Variants in CORIN observed in about 807,000 individuals in gnomAD.
The protein encoded by CORIN is corin, serine peptidase.
A neutral mutation model predicts 125.3 loss-of-function variants in CORIN; 117 were observed. That is an observed-to-expected ratio of 0.93 (90% CI 0.80 to 1.09). The LOEUF (loss-of-function observed/expected upper bound fraction) is 1.09, where lower values mean the gene tolerates loss of function less well. Among genes scored for constraint, CORIN ranks in the 50% least tolerant of loss-of-function variants. The probability of loss-of-function intolerance (pLI) is 0.00; values close to 1 mark genes in which losing one functional copy is unlikely to be tolerated. For missense variants in CORIN, 1,253 were observed against 1,306.7 expected (o/e 0.96, Z 0.63); for synonymous variants, 450 against 466.4 (o/e 0.96, Z 0.45).
chr4:47,755,114 TA>T (rs1241758190), intron 4 of CORIN, among the ~76,000 whole-genome samples: 1 of 152,204 alleles, frequency 6.6e-6, no homozygotes, highest in Non-Finnish European at 1.5e-5. Context: ...GTGTCTCCAG[TA>T]AGTTCTCATC....
At chr4:47,633,132 A>T (rs1233617012) in intron 16 of CORIN, among the ~76,000 whole-genome samples, 1 of 152,184 alleles carries the variant, frequency 6.6e-6, no homozygotes, top group Admixed American at 6.5e-5. Flanking sequence ...GATGGAGTGT[A>T]GTAACTGTAT....
intron 20 of CORIN, among the ~76,000 whole-genome samples, chr4:47,600,720 C>A (rs1370318100): frequency 6.6e-6 from 1 of 152,124 alleles, no homozygotes. Context: ...GCCAGCTCGG[C>A]GTCAACTCAG....
chr4:47,706,610 C>T (rs969153623), intron 5 of CORIN: 4 of 1,604,702 alleles, frequency 2.5e-6, no homozygotes, highest in South Asian at 1.1e-5. Context: ...AAGGGTGCAA[C>T]TTACGGCAAG....
At chr4:47,686,361 T>TC (rs1245762036) in intron 6 of CORIN, among the ~76,000 whole-genome samples, 3 of 151,858 alleles carry the variant, frequency 2.0e-5, no homozygotes, top group Non-Finnish European at 4.4e-5. Flanking sequence ...ATTTTTCACT[T>TC]CCCCCAGCCT....
chr4:47,647,513 A>G (rs926252949), intron 13 of CORIN, among the ~76,000 whole-genome samples: 6 of 151,346 alleles, frequency 4.0e-5, no homozygotes, highest in Admixed American at 2.0e-4. Flanking sequence ...ATCCTCACAA[A>G]TAATAATAAT....
chr4:47,826,199 C>T (rs1014966730), intron 1 of CORIN, among the ~76,000 whole-genome samples: 1 of 152,200 alleles, frequency 6.6e-6, no homozygotes, highest in Non-Finnish European at 1.5e-5. Flanking sequence ...ACTGCAAATG[C>T]CTACCCCAGC....
chr4:47,763,244 G>T, intron 4 of CORIN, 135 bp downstream of exon 4: 1 of 653,288 alleles, frequency 1.5e-6, no homozygotes, highest in Non-Finnish European at 2.7e-6. Context: ...TATTTTCAAA[G>T]AATTAGAACT....
At chr4:47,796,555 G>A (rs543071652) in intron 2 of CORIN, among the ~76,000 whole-genome samples, 1 of 151,974 alleles carries the variant, frequency 6.6e-6, no homozygotes, top group African/African-American at 2.4e-5. Flanking sequence ...TTGTTAAAAG[G>A]GCAGATCTTA....
At chr4:47,692,857 C>T (rs574184356) in intron 6 of CORIN, 113 bp downstream of exon 6, 57 of 774,452 alleles carry the variant, frequency 7.4e-5, no homozygotes, top group African/African-American at 4.3e-4. Context: ...AAGATAAACA[C>T]GTTTGCTCGC....
At chr4:47,597,207 C>T (rs1020863986) in intron 21 of CORIN, among the ~76,000 whole-genome samples, 11 of 152,046 alleles carry the variant, frequency 7.2e-5, no homozygotes, top group Admixed American at 6.6e-4. Flanking sequence ...CAAAAATTAG[C>T]CAGGTGTGGT....
At chr4:47,726,796 T>C (rs1727615468) in intron 5 of CORIN, among the ~76,000 whole-genome samples, 1 of 152,112 alleles carries the variant, frequency 6.6e-6, no homozygotes, top group Non-Finnish European at 1.5e-5. Flanking sequence ...ACTAGTTAGA[T>C]AAATTTTACA....
intron 9 of CORIN, among the ~76,000 whole-genome samples, chr4:47,676,706 T>A (rs1223164662): frequency 6.6e-6 from 1 of 152,212 alleles, no homozygotes; most frequent in Non-Finnish European, 1.5e-5. Context: ...TACTTTTAAA[T>A]CTGTTTTATC....
chr4:47,626,626 A>C (rs1722581827), intron 16 of CORIN, 105 bp from the exon 17 acceptor site: 1 of 781,908 alleles, frequency 1.3e-6, no homozygotes, highest in Non-Finnish European at 2.3e-6. Context: ...GCACTAAATC[A>C]TGTCAACATT....
intron 19 of CORIN, among the ~76,000 whole-genome samples, chr4:47,604,995 A>G (rs150125114): frequency 2.2e-3 from 337 of 152,254 alleles, no homozygotes; most frequent in Non-Finnish European, 3.5e-3. Context: ...CTTTCTTGCT[A>G]ATTTTGAACA....
At chr4:47,812,186 T>C (rs1221938500) in intron 1 of CORIN, among the ~76,000 whole-genome samples, 2 of 151,964 alleles carry the variant, frequency 1.3e-5, no homozygotes, top group African/African-American at 4.8e-5. Flanking sequence ...ATCTTCAAAG[T>C]AGAAAAAAAA....
At position 47,682,099 on chromosome 4, in the gene CORIN, G is replaced by A. The variant is rs192609959; in HGVS notation, c.1021+1632C>T. The A allele has an allele frequency of 2.0e-5, 3 of 152,202 alleles. No homozygotes were observed. In the East Asian group the frequency reaches 5.8e-4, roughly 29 times the overall value. The allele number at this position is 152,202 out of a possible 1,614,324, so 9.4% of individuals were successfully genotyped here. ...GCAGAGTTGATCTCATGGAAATAGA[G>A]AGTAGAACAGTGGTTACTAGAGGCC... On this transcript the variant is annotated intron_variant, in intron 7 of 21. Coordinates refer to ENST00000273857, the MANE Select transcript of CORIN (RefSeq NM_006587.4).
intron 1 of CORIN, among the ~76,000 whole-genome samples, chr4:47,818,736 G>C (rs1440918677): frequency 6.6e-6 from 1 of 152,064 alleles, no homozygotes; most frequent in African/African-American, 2.4e-5. Context: ...AGCCAGACGT[G>C]GTGGTGCACT....
In CORIN at chr4:47,760,841, A is replaced by G. The variant is rs187142203; in HGVS notation, c.617+2538T>C. ...TGATCTTAGCTAAATCTTCTAGATG[A>G]CTTGCTGCAGCTTCTAAATGAGCAC... On this transcript the variant is annotated intron_variant, in intron 4 of 21. Coordinates refer to ENST00000273857, the MANE Select transcript of CORIN (RefSeq NM_006587.4). Among the ~76,000 whole-genome samples, 45 of 152,352 alleles carry G rather than the reference A, an allele frequency of 3.0e-4. No homozygotes were observed. In the East Asian group the frequency reaches 7.1e-3, roughly 24 times the overall value.
intron 17 of CORIN, among the ~76,000 whole-genome samples, chr4:47,625,645 TAAG>T (rs1722524912): frequency 6.6e-6 from 1 of 152,186 alleles, no homozygotes; most frequent in African/African-American, 2.4e-5. Flanking sequence ...TTAAAATTCT[TAAG>T]AAGTAGCAAC....
Sources: gnomAD v4.1 joint callset for allele counts (sites outside exome capture counted in the v4.1 genomes callset) on GRCh38, gnomAD v4.1.1 for gene constraint, MANE v1.5 for transcripts, NCBI Gene and HGNC (gene_info 2026-07-23, HGNC 2026-07-21) for gene names.